Variants in ADCY4 observed in about 807,000 individuals in gnomAD.
The protein encoded by ADCY4 is adenylate cyclase 4.
ADCY4 carries 111 observed loss-of-function variants against 125.5 expected under a neutral mutation model. That is an observed-to-expected ratio of 0.88 (90% CI 0.76 to 1.04). The LOEUF is 1.04. Ranked by LOEUF, ADCY4 falls within the 50% of genes least tolerant of loss-of-function variation. The pLI, the probability that ADCY4 is intolerant of heterozygous loss-of-function variation, is 0.00. For missense variants in ADCY4, 1,256 were observed against 1,382.9 expected (o/e 0.91, Z 1.46); for synonymous variants, 576 against 586.9 (o/e 0.98, Z 0.27).
In ADCY4 at chr14:24,331,376, A is replaced by G. The variant is rs995106615; in HGVS notation, c.670-20T>C. ...GTGTTCCTGGAAGAGGTCACCATGA[A>G]CACCAACTCTTCTGCACCCTAAAGC... On this transcript the variant is annotated intron_variant, in intron 4 of 24. Transcript: ENST00000418030. 1 of 1,612,856 alleles carries G rather than the reference A, an allele frequency of 6.2e-7. No individual in the cohort carries two copies. The highest frequency in any genetic ancestry group is 1.3e-5 in the African/African-American group (1 of 74,900).
At chr14:24,332,750 G>C (rs2332322) in intron 2 of ADCY4, 41 bp downstream of exon 2, 813,763 of 1,533,146 alleles carry the variant, frequency 0.53, 228,024 homozygotes, top group Non-Finnish European at 0.58. Context: ...AGGGATCGAA[G>C]CCCGGGCCGT....
Position 24,319,954 on chromosome 14 carries a change from TG to T in ADCY4, c.2587-67del, listed in dbSNP as rs1421347474. 8 of 1,565,862 alleles carry T rather than the reference TG, an allele frequency of 5.1e-6. No homozygotes were observed. The highest frequency in any genetic ancestry group is 6.1e-6 in the Non-Finnish European group (7 of 1,156,022). The stretch of plus-strand genomic sequence containing the variant: ...TTCCTCTCCCTTCTAGAGGTCTGCG[TG>T]GGGCCCTCCTCCCCATGTCCACACT... On this transcript the variant is annotated intron_variant, in intron 20 of 24. Coordinates refer to ENST00000418030, the MANE Select transcript of ADCY4 (RefSeq NM_001198568.2). The surrounding 1 kb of genome is among the most constrained non-coding windows in gnomAD (Gnocchi z 4.5).
rs1174770058 is a variant in ADCY4, at chr14:24,331,825, T to G, written c.632A>C (p.His211Pro). The stretch of plus-strand genomic sequence containing the variant: ...CTCGGTGTCCAGCCGCCGGCGTGAG[T>G]GCAGGGAGCTGAGTGCCTCCCGGAA... ...ATFREALSSL[H>P]SRRRLDTEKK... Residue 211 changes from histidine to proline, a missense_variant, in exon 4 of 25, where the codon CAC becomes CCC. Transcript: ENST00000418030. 8.1e-6 allele frequency: 13 copies of G among 1,600,832 alleles called. No homozygotes were observed. The highest frequency in any genetic ancestry group is 1.1e-5 in the Non-Finnish European group (13 of 1,170,610).
chr14:24,323,047 G>A lies in ADCY4; in HGVS notation c.2199C>T (p.Ser733=), dbSNP rs747158779. ...HCCTLGFLSC[S]LFLHMSFELK... ...GCTCGAAGCTCATGTGCAGAAAGAG[G>A]GAGCAGGAGAGGAAGCCCAGCGTGC... The change falls in exon 18 of 25, where the codon TCC becomes TCT. Residue 733 remains serine (S), a synonymous_variant. Transcript: ENST00000418030. 1.2e-6 allele frequency: 2 copies of A among 1,614,174 alleles called. No individual in the cohort carries two copies. The highest frequency in any genetic ancestry group is 1.1e-5 in the South Asian group (1 of 91,082).
In ADCY4 at chr14:24,332,850, GC is replaced by G. The variant is rs772831456; in HGVS notation, c.297del (p.Leu100CysfsTer2). 2 of 1,597,174 alleles carry G rather than the reference GC, an allele frequency of 1.3e-6. 1 individual carries two copies. The highest frequency in any genetic ancestry group is 3.4e-4 in the Middle Eastern group (2 of 5,920). ...AGGAAGGCGTGGCCTAGCGCTAGCA[GC>G]GCGACCCATACCAAGCCGGACAGGG... The part of the protein sequence containing the change: ...TRPLSGLVWV[A>X]LLALGHAFLF... On this transcript the variant is annotated frameshift_variant, in exon 2 of 25. Transcript: ENST00000418030. LOFTEE classifies it high-confidence loss of function.
intron 1 of ADCY4, among the ~76,000 whole-genome samples, chr14:24,333,881 A>T (rs1050566029): frequency 6.6e-6 from 1 of 152,160 alleles, no homozygotes; most frequent in Non-Finnish European, 1.5e-5. Flanking sequence ...CAGAAGCTGC[A>T]CAGCCGTCCC....
chr14:24,320,222 C>T (rs772801818), intron 20 of ADCY4, among the ~76,000 whole-genome samples: 3 of 152,012 alleles, frequency 2.0e-5, no homozygotes, highest in Non-Finnish European at 4.4e-5. Flanking sequence ...TCAATTAAGC[C>T]GGCTACAAAA....
chr14:24,322,690 C>T lies in ADCY4; in HGVS notation c.2361G>A (p.Glu787=). 1 of 1,614,136 alleles carries T rather than the reference C, an allele frequency of 6.2e-7. No homozygotes were observed. Among genetic ancestry groups the T allele is most frequent in the African/African-American group, 1.3e-5 (1 of 75,052 alleles). ...AGGAGATAGCACCCATCAGTTTGGG[C>T]TCCTTCAGCACTCCGGGCCTGAAGG... ...PLDSRPGVLK[E]PKLMGAISFF... is the part of the protein sequence containing the mutation. Residue 787 remains glutamate, a synonymous_variant, in exon 19 of 25, where the codon GAG becomes GAA. Transcript: ENST00000418030.
chr14:24,325,785 A>G, intron 13 of ADCY4, 33 bp downstream of exon 13: 1 of 1,575,480 alleles, frequency 6.3e-7, no homozygotes, highest in Non-Finnish European at 8.6e-7. Flanking sequence ...TAAAGTTGGG[A>G]AGTTGTTTGG....
intron 6 of ADCY4, 92 bp from the exon 7 acceptor site, chr14:24,330,387 T>C: frequency 6.4e-7 from 1 of 1,570,968 alleles, no homozygotes; most frequent in South Asian, 1.1e-5. Flanking sequence ...AGCGGGGTAT[T>C]CCTGAAGAAC....
chr14:24,320,993 C>T (rs532045985), intron 20 of ADCY4, among the ~76,000 whole-genome samples: 10 of 152,058 alleles, frequency 6.6e-5, no homozygotes, highest in East Asian at 3.9e-4. Flanking sequence ...AAGTTTTCCA[C>T]GCACCCAGGC....
chr14:24,331,989 T>C, intron 3 of ADCY4, 52 bp from the exon 4 acceptor site: 2 of 1,471,978 alleles, frequency 1.4e-6, no homozygotes, highest in Non-Finnish European at 1.8e-6. Context: ...GCTTGTCGTG[T>C]GTAGTTGGAG....
At position 24,325,970 on chromosome 14, in the gene ADCY4, AGG is replaced by A; in HGVS notation, c.1656-85_1656-84del. On this transcript the variant is annotated intron_variant, in intron 12 of 24. Transcript: ENST00000418030. ...AGGAAGAGGGCAGAGTGAGGGCAAG[AGG>A]GGGTGGTCAGGCGAGTCTTCCCTCC... 5.7e-6 allele frequency: 9 copies of A among 1,588,350 alleles called. 1 individual carries two copies. The South Asian group carries it at 1.0e-4, about 18-fold the overall frequency.
At chr14:24,322,286 G>A (rs1418673646) in intron 19 of ADCY4, 62 bp from the exon 20 acceptor site, 1 of 1,552,426 alleles carries the variant, frequency 6.4e-7, no homozygotes, top group African/African-American at 1.4e-5. Context: ...GCTCCTGAGT[G>A]TTCAGCCCCA....
In ADCY4 at chr14:24,331,823, A is replaced by C. The variant is rs770479023; in HGVS notation, c.634T>G (p.Ser212Ala). ...TTCTCGGTGTCCAGCCGCCGGCGTG[A>C]GTGCAGGGAGCTGAGTGCCTCCCGG... ...TFREALSSLHSRRRLDTEKKH... is the reference protein window; with the variant it reads ...TFREALSSLHARRRLDTEKKH... Residue 212 changes from serine (S) to alanine (A), a missense_variant, in exon 4 of 25, where the codon TCA (serine) becomes GCA (alanine). Physicochemically the swap from Ser to Ala is moderately conservative, Grantham distance 99. Transcript: ENST00000418030. 6.3e-7 allele frequency: 1 copy of C among 1,597,590 alleles called. No homozygotes were observed. The highest frequency in any genetic ancestry group is 8.6e-7 in the Non-Finnish European group (1 of 1,167,974).
rs1402858666 is a variant in ADCY4 at position 24,331,890 on chromosome 14, C to G, written c.567G>C (p.Val189=). The change falls in exon 4 of 25, where the codon GTG becomes GTC. Residue 189 remains valine, a synonymous_variant. Coordinates refer to ENST00000418030, the MANE Select transcript of ADCY4 (RefSeq NM_001198568.2). The part of the protein sequence containing the change: ...VLFLCGNVAG[V]YHKALMERAL... ...CGCGCTCCATCAGCGCCTTGTGGTA[C>G]ACTCCTGCCACGTTCCCGCACAGGA... The G allele has an allele frequency of 1.3e-6, 2 of 1,588,358 alleles. No homozygotes were observed. The highest frequency in any genetic ancestry group is 1.7e-5 in the Admixed American group (1 of 58,958).
chr14:24,330,777 G>T, intron 6 of ADCY4: 5 of 508,684 alleles, frequency 9.8e-6, no homozygotes, highest in Admixed American at 3.5e-5. Context: ...AGCATGTTTG[G>T]GGCATTGTAC....
intron 19 of ADCY4, 166 bp downstream of exon 19, chr14:24,322,458 G>T: frequency 1.2e-6 from 1 of 868,920 alleles, no homozygotes; most frequent in Non-Finnish European, 1.8e-6. Flanking sequence ...CCCAGATAGG[G>T]GTGTGGGAGA....
At chr14:24,331,674 G>T in intron 4 of ADCY4, 114 bp downstream of exon 4, 2 of 1,352,588 alleles carry the variant, frequency 1.5e-6, no homozygotes, top group African/African-American at 2.9e-5. Flanking sequence ...TACAAAAGAG[G>T]AAACAGGTCA....
Sources: gnomAD v4.1 joint callset for allele counts (sites outside exome capture counted in the v4.1 genomes callset) on GRCh38, gnomAD v4.1.1 for gene constraint, Gnocchi (gnomAD v3.1) non-coding constraint, MANE v1.5 for transcripts, NCBI Gene and HGNC (gene_info 2026-07-23, HGNC 2026-07-21) for gene names.